Variants in CACNA1E observed in about 807,000 individuals in gnomAD.
CACNA1E encodes voltage-dependent R-type calcium channel subunit alpha-1E.
A neutral mutation model predicts 259.2 loss-of-function variants in CACNA1E; 40 were observed. The observed-to-expected ratio is 0.15, with a 90% CI of 0.12 to 0.20. The LOEUF (loss-of-function observed/expected upper bound fraction) is 0.20, where lower values mean the gene tolerates loss of function less well. Ranked by LOEUF, CACNA1E falls within the 10% of genes least tolerant of loss-of-function variation. The pLI is 1.00. For synonymous variants in CACNA1E, 1,104 were observed against 1,138.5 expected (o/e 0.97, Z 0.61); for missense variants, 1,874 against 3,040.1 (o/e 0.62, Z 9.02).
At chr1:181,712,564 T>G (rs1257717427) in intron 8 of CACNA1E, among the ~76,000 whole-genome samples, 2 of 152,206 alleles carry the variant, frequency 1.3e-5, no homozygotes, top group Non-Finnish European at 2.9e-5. Context: ...CCTGTATGAT[T>G]GCGATCTGCA....
intron 7 of CACNA1E, chr1:181,651,647 A>G (rs1386731203): frequency 2.0e-6 from 1 of 501,384 alleles, no homozygotes; most frequent in African/African-American, 2.0e-5. Context: ...CAGGAATTAA[A>G]AAGTCTTGAT....
chr1:181,548,147 C>A (rs1018020438), intron 3 of CACNA1E, among the ~76,000 whole-genome samples: 1 of 15,490 alleles, frequency 6.5e-5, no homozygotes, highest in Non-Finnish European at 4.1e-4. Context: ...TTTTTTGAGT[C>A]AGGGTCTCAT....
intron 3 of CACNA1E, among the ~76,000 whole-genome samples, chr1:181,545,393 G>C (rs764077422): frequency 6.6e-6 from 1 of 152,142 alleles, no homozygotes; most frequent in Non-Finnish European, 1.5e-5. Flanking sequence ...TTAGATGTTC[G>C]TCCATTCCAG....
At chr1:181,370,614 G>T (rs901689115) in intron 1 of CACNA1E, among the ~76,000 whole-genome samples, 1 of 151,920 alleles carries the variant, frequency 6.6e-6, no homozygotes, top group Non-Finnish European at 1.5e-5. Context: ...ATGATTTCGT[G>T]TTTTTTTATG....
intron 6 of CACNA1E, among the ~76,000 whole-genome samples, chr1:181,585,734 G>C (rs1024304632): frequency 4.6e-5 from 7 of 152,192 alleles, no homozygotes; most frequent in Non-Finnish European, 8.8e-5. Context: ...CCAGATAGCT[G>C]GGCCAGCAAG....
At chr1:181,783,632 A>AT (rs1436997564) in intron 39 of CACNA1E, 47 bp from the exon 40 acceptor site, 31 of 1,009,346 alleles carry the variant, frequency 3.1e-5, no homozygotes, top group East Asian at 5.2e-5. Flanking sequence ...GATGTCTTTC[A>AT]ATTTTTTTTT....
chr1:181,484,916 G>T (rs557869258), intron 1 of CACNA1E, among the ~76,000 whole-genome samples: 32 of 152,328 alleles, frequency 2.1e-4, no homozygotes, highest in African/African-American at 6.7e-4. Context: ...TGATGGTGGT[G>T]GTGTCAGGGT....
chr1:181,348,067 G>A (rs1040045141), intron 1 of CACNA1E, among the ~76,000 whole-genome samples: 2 of 152,164 alleles, frequency 1.3e-5, no homozygotes, highest in African/African-American at 4.8e-5. Context: ...GTGAGCAGTT[G>A]GAGCTGAACA....
rs780965505 is a variant in CACNA1E at position 181,720,852 on chromosome 1, C to T, written c.1953C>T (p.Phe651=). 2 of 1,606,340 alleles carry T rather than the reference C, an allele frequency of 1.2e-6. No homozygotes were observed. The highest frequency in any genetic ancestry group is 1.7e-6 in the Non-Finnish European group (2 of 1,173,942). ...DTFPAAIMTV[F]QILTGEDWNE... ...TCCCTGCAGCCATCATGACTGTGTT[C>T]CAGGTATGAGGCCAGCTGACGGTTC... is the stretch of plus-strand genomic sequence containing the variant. Residue 651 remains phenylalanine, a synonymous_variant, in exon 15 of 48, where the codon TTC becomes TTT. Coordinates refer to ENST00000367573, the MANE Select transcript of CACNA1E (RefSeq NM_001205293.3).
rs140807622 is a variant in CACNA1E, at chr1:181,351,306, G to A, written c.-15+33183G>A. Among the ~76,000 whole-genome samples, 77 of 152,270 alleles carry A rather than the reference G, an allele frequency of 5.1e-4. 1 individual carries two copies. Among genetic ancestry groups the A allele is most frequent in the African/African-American group, 1.8e-3 (76 of 41,558 alleles). On this transcript the variant is annotated intron_variant, in intron 1 of 11. Coordinates refer to the CACNA1E transcript ENST00000524607. ...TCAGCATCTAGGGCTGTAGCCCCAC[G>A]GCTCAAGAAGTGCTCAGAGTCCATG...
Position 181,771,304 on chromosome 1 carries a change from CAT to C in CACNA1E, c.4895_4896del (p.Ile1632LysfsTer31). ...AIIGMQVFGN[I>X]KLDEESHINR... ...TTTCTCTCCTCAAGGTATTTGGAAACATAAAATTAGACGAGGAGAGTCACATC... is the reference window on the plus strand; with the variant it reads ...TTTCTCTCCTCAAGGTATTTGGAAACAAAATTAGACGAGGAGAGTCACATC... On this transcript the variant is annotated frameshift_variant, in exon 36 of 48. Transcript: ENST00000367573. LOFTEE classifies it high-confidence loss of function. 1 of 1,571,036 alleles carries C rather than the reference CAT, an allele frequency of 6.4e-7. No individual in the cohort carries two copies. Among genetic ancestry groups the C allele is most frequent in the Non-Finnish European group, 8.7e-7 (1 of 1,150,450 alleles).
chr1:181,332,756 C>T (rs893389405), intron 1 of CACNA1E, among the ~76,000 whole-genome samples: 6 of 152,144 alleles, frequency 3.9e-5, no homozygotes, highest in African/African-American at 1.2e-4. Context: ...TGATTATTAA[C>T]CTTTGTAGTC....
At chr1:181,750,347 C>T (rs1052784722) in intron 25 of CACNA1E, 129 bp from the exon 26 acceptor site, 1 of 750,698 alleles carries the variant, frequency 1.3e-6, no homozygotes, top group East Asian at 2.7e-5. Flanking sequence ...TGCTCTGATT[C>T]CCTATCATTG....
intron 2 of CACNA1E, among the ~76,000 whole-genome samples, chr1:181,470,099 GA>G (rs1662400641): frequency 6.6e-6 from 1 of 151,970 alleles, no homozygotes; most frequent in Admixed American, 6.6e-5. Flanking sequence ...GAAAGAAAGA[GA>G]GCAAGAAAGC....
chr1:181,329,736 C>T (rs1014165483), intron 1 of CACNA1E, among the ~76,000 whole-genome samples: 3 of 152,190 alleles, frequency 2.0e-5, no homozygotes, highest in Admixed American at 6.5e-5. Context: ...ATGACACTCT[C>T]TTATAGCATC....
At chr1:181,596,425 G>C (rs75157181) in intron 6 of CACNA1E, among the ~76,000 whole-genome samples, 5,156 of 152,274 alleles carry the variant, frequency 0.034, 114 homozygotes, top group Non-Finnish European at 0.048. Flanking sequence ...CTCCACCTGC[G>C]TCGGACTTGT....
At chr1:181,696,524 T>C (rs182790577) in intron 7 of CACNA1E, among the ~76,000 whole-genome samples, 1 of 152,314 alleles carries the variant, frequency 6.6e-6, no homozygotes, top group Admixed American at 6.5e-5. Flanking sequence ...AAGCCTATAC[T>C]TACTAGTTTC....
intron 2 of CACNA1E, among the ~76,000 whole-genome samples, chr1:181,432,899 A>G (rs1659813780): frequency 6.6e-6 from 1 of 152,220 alleles, no homozygotes; most frequent in Non-Finnish European, 1.5e-5. Context: ...TAAAATCAAT[A>G]TATTTTATTT....
At chr1:181,337,878 C>T (rs1651834177) in intron 1 of CACNA1E, among the ~76,000 whole-genome samples, 2 of 152,326 alleles carry the variant, frequency 1.3e-5, no homozygotes, top group South Asian at 4.1e-4. Flanking sequence ...ATATAACCAG[C>T]AGAAGCGTTG....
Sources: allele counts gnomAD v4.1 joint callset (sites outside exome capture counted in the v4.1 genomes callset), GRCh38; gene constraint gnomAD v4.1.1; transcripts MANE v1.5; gene names NCBI Gene and HGNC (gene_info 2026-07-23, HGNC 2026-07-21).